Variants in CACNA1C observed in about 807,000 individuals in gnomAD.
CACNA1C encodes calcium voltage-gated channel subunit alpha1 C, also known as voltage-dependent L-type calcium channel subunit alpha-1C.
A neutral mutation model predicts 229.0 loss-of-function variants in CACNA1C; 30 were observed. That is an observed-to-expected ratio of 0.13 (90% CI 0.10 to 0.18). The LOEUF is 0.18. Ranked by LOEUF, CACNA1C falls within the 10% of genes least tolerant of loss-of-function variation. The probability of loss-of-function intolerance (pLI) is 1.00; values close to 1 mark genes in which losing one functional copy is unlikely to be tolerated. For synonymous variants in CACNA1C, 1,114 were observed against 1,132.5 expected (o/e 0.98, Z 0.33); for missense variants, 1,658 against 2,845.0 (o/e 0.58, Z 9.49).
intron 11 of CACNA1C, among the ~76,000 whole-genome samples, chr12:2,559,676 G>A (rs765202555): frequency 2.2e-4 from 34 of 152,296 alleles, no homozygotes; most frequent in Admixed American, 4.6e-4. Context: ...AGGTCACAGG[G>A]CTCTAGTATG....
Position 2,512,088 on chromosome 12 carries a change from A to C in CACNA1C, c.1218-724A>C. 6.6e-6 allele frequency among the ~76,000 whole-genome samples: 1 copy of C among 152,128 alleles called. No individual in the cohort carries two copies. The highest frequency in any genetic ancestry group is 2.1e-4 in the South Asian group (1 of 4,824). On this transcript the variant is annotated intron_variant, in intron 8 of 46. Transcript: ENST00000399655. The surrounding 1 kb of genome is among the most constrained non-coding windows in gnomAD (Gnocchi z 4.3). The stretch of plus-strand genomic sequence containing the variant: ...TCCAGGAATGCTGAGTGGCAGGTTG[A>C]GCTCGTCATAAGAATAGAGATTGAG...
At chr12:2,238,775 A>G (rs975666985) in intron 3 of CACNA1C, among the ~76,000 whole-genome samples, 1 of 152,192 alleles carries the variant, frequency 6.6e-6, no homozygotes, top group African/African-American at 2.4e-5. Flanking sequence ...GGAAGCCGAG[A>G]GGAGGAAGTA....
chr12:1,986,501 G>A (rs1463152819), intron 1 of CACNA1C, among the ~76,000 whole-genome samples: 1 of 152,194 alleles, frequency 6.6e-6, no homozygotes, highest in Non-Finnish European at 1.5e-5. Context: ...GGCAGAGACA[G>A]GGTCTTTCTT....
chr12:2,214,260 A>G (rs2059410236), intron 3 of CACNA1C, among the ~76,000 whole-genome samples: 1 of 152,160 alleles, frequency 6.6e-6, no homozygotes, highest in Non-Finnish European at 1.5e-5. Flanking sequence ...GTTCATGTGA[A>G]GTGCTCTGGG....
intron 3 of CACNA1C, among the ~76,000 whole-genome samples, chr12:2,390,085 C>T (rs2098457884): frequency 6.6e-6 from 1 of 152,202 alleles, no homozygotes; most frequent in Admixed American, 6.5e-5. Flanking sequence ...GACCCATTCC[C>T]TTTAATTCTA....
chr12:2,540,125 C>T (rs532891470), intron 9 of CACNA1C, among the ~76,000 whole-genome samples: 11 of 152,278 alleles, frequency 7.2e-5, no homozygotes, highest in Non-Finnish European at 1.2e-4. Context: ...GGTCCACCCA[C>T]GGACGTCCTG....
At chr12:2,135,503 G>A (rs1177622995) in intron 3 of CACNA1C, among the ~76,000 whole-genome samples, 1 of 132,714 alleles carries the variant, frequency 7.5e-6, no homozygotes, top group Non-Finnish European at 1.6e-5. Context: ...TGTCCTTTCT[G>A]TTTGTTAGTT....
intron 3 of CACNA1C, among the ~76,000 whole-genome samples, chr12:2,153,080 G>T (rs959398685): frequency 3.5e-4 from 54 of 152,220 alleles, no homozygotes; most frequent in Non-Finnish European, 1.5e-5. Context: ...AGGGCTAGGA[G>T]ATAGACTCAT....
chr12:2,228,750 G>C (rs912174527), intron 3 of CACNA1C, among the ~76,000 whole-genome samples: 1 of 152,152 alleles, frequency 6.6e-6, no homozygotes, highest in Non-Finnish European at 1.5e-5. Context: ...CTGGCTACCT[G>C]GCATGAACAG....
intron 1 of CACNA1C, chr12:2,004,417 C>G (rs777796436): frequency 6.2e-7 from 1 of 1,610,208 alleles, no homozygotes; most frequent in Non-Finnish European, 8.5e-7. Flanking sequence ...GGCCGCCTGC[C>G]GCCACGGCTG....
rs567623463 is a variant in CACNA1C at position 2,097,399 on chromosome 12, A to G, written c.50-17825A>G. On this transcript the variant is annotated intron_variant, in intron 1 of 46. Transcript: ENST00000399655. ...CTGACCTTGTGATCCGCCCGCCTCGACCTCCCAAAGTGCTGGGATTACAGA... is the reference window on the plus strand; with the variant it reads ...CTGACCTTGTGATCCGCCCGCCTCGGCCTCCCAAAGTGCTGGGATTACAGA... Among the ~76,000 whole-genome samples the G allele has an allele frequency of 4.6e-3, 692 of 150,024 alleles. 1 individual carries two copies. The highest frequency in any genetic ancestry group is 5.4e-3 in the Non-Finnish European group (367 of 67,490).
intron 9 of CACNA1C, among the ~76,000 whole-genome samples, chr12:2,537,807 C>CT (rs1209007995): frequency 2.0e-5 from 3 of 150,602 alleles, no homozygotes; most frequent in Non-Finnish European, 4.4e-5. Context: ...TCTCGCCCTC[C>CT]TGTGTGGTCA....
At chr12:2,588,354 CAGACCACTAGGG>C (rs1448592080) in intron 18 of CACNA1C, among the ~76,000 whole-genome samples, 1 of 152,234 alleles carries the variant, frequency 6.6e-6, no homozygotes. Flanking sequence ...TGCCTTCAGC[CAGACCACTAGGG>C]AGAAAGGGCC....
chr12:2,398,103 C>T (rs2154550184), intron 3 of CACNA1C, among the ~76,000 whole-genome samples: 1 of 152,342 alleles, frequency 6.6e-6, no homozygotes, highest in Non-Finnish European at 1.5e-5. Context: ...TGGCTTTTTC[C>T]AAAAGGTAAG....
chr12:2,054,533 C>A lies in CACNA1C; in HGVS notation c.49+922C>A, dbSNP rs918826540. 1.3e-5 allele frequency among the ~76,000 whole-genome samples: 2 copies of A among 152,304 alleles called. No homozygotes were observed. Among genetic ancestry groups the A allele is most frequent in the East Asian group, 1.9e-4 (1 of 5,176 alleles). On this transcript the variant is annotated intron_variant, in intron 1 of 46. Transcript: ENST00000399655. This position sits in a 1 kb window ranked among gnomAD's most constrained non-coding sequence, Gnocchi z 5.5. ...TCCCCCTGTGATGGTGAAAGGCAGT[C>A]AGGTAACTCCCTACTTCCTGGAAAC...
intron 29 of CACNA1C, among the ~76,000 whole-genome samples, chr12:2,625,608 C>T (rs1568893615): frequency 6.6e-6 from 1 of 152,092 alleles, no homozygotes. Context: ...TCAGTGAGCA[C>T]GTTCTCGGTG....
intron 3 of CACNA1C, among the ~76,000 whole-genome samples, chr12:2,168,309 T>C (rs1041774446): frequency 6.6e-6 from 1 of 152,080 alleles, no homozygotes; most frequent in Non-Finnish European, 1.5e-5. Flanking sequence ...AGATAGGGGA[T>C]TGATGGGGAA....
chr12:2,231,448 G>A (rs1295639152), intron 3 of CACNA1C, among the ~76,000 whole-genome samples: 15 of 152,132 alleles, frequency 9.9e-5, no homozygotes, highest in Admixed American at 5.2e-4. Flanking sequence ...AAATGCTTCC[G>A]CACAGTTTAT....
At chr12:2,066,476 G>A (rs746906363) in intron 1 of CACNA1C, among the ~76,000 whole-genome samples, 5 of 152,116 alleles carry the variant, frequency 3.3e-5, no homozygotes, top group Non-Finnish European at 5.9e-5. Context: ...CGTCATTGCT[G>A]AATGGAGTCG....
Sources: gnomAD v4.1 joint callset for allele counts (sites outside exome capture counted in the v4.1 genomes callset) on GRCh38, gnomAD v4.1.1 for gene constraint, Gnocchi (gnomAD v3.1) non-coding constraint, MANE v1.5 for transcripts, NCBI Gene and HGNC (gene_info 2026-07-23, HGNC 2026-07-21) for gene names.